Variants in CCDC70 observed in about 807,000 individuals in gnomAD.
CCDC70 encodes the protein coiled-coil domain-containing protein 70.
CCDC70 carries 4 observed loss-of-function variants against 9.1 expected under a neutral mutation model. The ratio of observed to expected loss-of-function variants is 0.44; its 90% CI spans 0.22 to 1.00. The LOEUF is 1.00. Ranked by LOEUF, CCDC70 falls within the 50% of genes least tolerant of loss-of-function variation. The probability of loss-of-function intolerance (pLI) is 0.25; values close to 1 mark genes in which losing one functional copy is unlikely to be tolerated. For missense variants in CCDC70, 308 were observed against 271.3 expected, an observed-to-expected ratio of 1.14 and a Z score of -0.95; for synonymous variants, 119 against 94.0, an observed-to-expected ratio of 1.27 and a Z score of -1.54.
rs1280442833 is a variant in CCDC70, at chr13:51,865,462, C to T, written c.51C>T (p.Ser17=). The T allele has an allele frequency of 6.2e-7, 1 of 1,614,142 alleles. No individual in the cohort carries two copies. Among genetic ancestry groups the T allele is most frequent in the Non-Finnish European group, 8.5e-7 (1 of 1,180,024 alleles). The stretch of plus-strand genomic sequence containing the variant: ...GGATGGGGCTTGCCTGCTTCCGGTC[C>T]CTGGCGGCATCCTCTCCCAGTATTC... ...SRWMGLACFR[S]LAASSPSIRQ... is the part of the protein sequence containing the mutation. Residue 17 remains serine, a synonymous_variant, in exon 2 of 2, where the codon TCC becomes TCT. Transcript: ENST00000242819.
intron 1 of CCDC70, among the ~76,000 whole-genome samples, chr13:51,864,153 C>T (rs868265345): frequency 5.4e-5 from 8 of 148,924 alleles, no homozygotes; most frequent in Middle Eastern, 3.4e-3. Flanking sequence ...TTCTTTCTTC[C>T]TCCCAGCTTT....
rs1956386672 is a variant in CCDC70 at position 51,862,019 on chromosome 13, A to G, written c.-291A>G. The G allele has an allele frequency of 5.9e-5, 9 of 152,266 alleles. No individual in the cohort carries two copies. Among genetic ancestry groups the G allele is most frequent in the Admixed American group, 5.9e-4 (9 of 15,290 alleles). The allele number at this position is 152,266 out of a possible 1,614,324, so 9.4% of individuals were successfully genotyped here. On this transcript the variant is annotated 5_prime_UTR_variant, in exon 1 of 2. Coordinates refer to ENST00000242819, the MANE Select transcript of CCDC70 (RefSeq NM_031290.4). ...AAGAGGAACTCTTTCAAACCTTTCA[A>G]GTGCCCCCTCCTTTCCTTAAAGTCT...
chr13:51,865,386 C>A lies in CCDC70; in HGVS notation c.-26C>A. 6.3e-7 allele frequency: 1 copy of A among 1,590,486 alleles called. No individual in the cohort carries two copies. On this transcript the variant is annotated 5_prime_UTR_variant, in exon 2 of 2. Coordinates refer to ENST00000242819, the MANE Select transcript of CCDC70 (RefSeq NM_031290.4). ...AGGGTCCTGTCATCCCTCATGGCCACCCCGCCATTCCGGCTGATAAGGAAG... is the reference window on the plus strand; with the variant it reads ...AGGGTCCTGTCATCCCTCATGGCCAACCCGCCATTCCGGCTGATAAGGAAG...
intron 1 of CCDC70, among the ~76,000 whole-genome samples, chr13:51,864,561 T>C (rs1956405646): frequency 6.6e-6 from 1 of 152,244 alleles, no homozygotes; most frequent in Admixed American, 6.5e-5. Flanking sequence ...CCATGCTGTC[T>C]GCCATGTGGA....
chr13:51,865,630 G>C lies in CCDC70; in HGVS notation c.219G>C (p.Leu73=). ...TCCATGCTTTCCGGGGCCAGATCCTGGGTTTTTGGGAAGAGGAGAGACCTT... is the reference window on the plus strand; with the variant it reads ...TCCATGCTTTCCGGGGCCAGATCCTCGGTTTTTGGGAAGAGGAGAGACCTT... ...GKIHAFRGQI[L]GFWEEERPFW... Residue 73 remains leucine (L), a synonymous_variant, in exon 2 of 2, where the codon CTG becomes CTC. Transcript: ENST00000242819. 1 of 1,614,030 alleles carries C rather than the reference G, an allele frequency of 6.2e-7. No individual in the cohort carries two copies. The highest frequency in any genetic ancestry group is 1.1e-5 in the South Asian group (1 of 91,084).
chr13:51,863,053 T>C (rs1956393168), intron 1 of CCDC70, among the ~76,000 whole-genome samples: 1 of 152,094 alleles, frequency 6.6e-6, no homozygotes, highest in Admixed American at 6.5e-5. Context: ...CCGAGTAGCT[T>C]TCAGAGGGGA....
At position 51,866,050 on chromosome 13, in the gene CCDC70, C is replaced by T; in HGVS notation, c.639C>T (p.Arg213=). ...DGPHNANRGQ[R]LLAFSRGRA ...CCCACAACGCCAACAGAGGGCAGCG[C>T]TTGCTGGCCTTCTCCCGAGGCAGGG... Residue 213 remains arginine, a synonymous_variant, in exon 2 of 2, where the codon CGC becomes CGT. Coordinates refer to ENST00000242819, the MANE Select transcript of CCDC70 (RefSeq NM_031290.4). The T allele has an allele frequency of 6.3e-7, 1 of 1,592,634 alleles. No individual in the cohort carries two copies. Among genetic ancestry groups the T allele is most frequent in the Non-Finnish European group, 8.5e-7 (1 of 1,171,188 alleles).
At position 51,866,022 on chromosome 13, in the gene CCDC70, G is replaced by A; in HGVS notation, c.611G>A (p.Gly204Glu). 1 of 1,609,958 alleles carries A rather than the reference G, an allele frequency of 6.2e-7. No homozygotes were observed. Among genetic ancestry groups the A allele is most frequent in the Non-Finnish European group, 8.5e-7 (1 of 1,178,494 alleles). ...GCCGGAGAGCAGATGCTCGAAGATGGGCCCCACAACGCCAACAGAGGGCAG... is the reference window on the plus strand; with the variant it reads ...GCCGGAGAGCAGATGCTCGAAGATGAGCCCCACAACGCCAACAGAGGGCAG... ...HIAGEQMLED[G>E]PHNANRGQRL... is the part of the protein sequence containing the mutation. Residue 204 changes from glycine to glutamate, a missense_variant, in exon 2 of 2, where the codon GGG becomes GAG. By Grantham distance (98) the Gly-to-Glu change is moderately conservative. Coordinates refer to ENST00000242819, the MANE Select transcript of CCDC70 (RefSeq NM_031290.4).
chr13:51,865,737 C>G lies in CCDC70; in HGVS notation c.326C>G (p.Thr109Ser). 9.3e-6 allele frequency: 15 copies of G among 1,614,068 alleles called. No individual in the cohort carries two copies. Among genetic ancestry groups the G allele is most frequent in the Non-Finnish European group, 1.3e-5 (15 of 1,179,982 alleles). ...MEKSFREEEK[T>S]FWKKYRTFWK... Reference sequence around the variant, plus strand: ...AAGTCTTTCAGGGAGGAAGAGAAAACTTTCTGGAAAAAGTACCGCACTTTC... The same window carrying G: ...AAGTCTTTCAGGGAGGAAGAGAAAAGTTTCTGGAAAAAGTACCGCACTTTC... The change falls in exon 2 of 2, where the codon ACT (threonine) becomes AGT (serine). Residue 109 changes from threonine to serine, a missense_variant. Transcript: ENST00000242819.
rs765940356 is a variant in CCDC70 at position 51,865,885 on chromosome 13, C to A, written c.474C>A (p.Ala158=). ...AGGCCCTGTGGGTAGAGGAAAGAGC[C>A]CTCCTTGAGGGGGAGAAAGCCCTGT... The part of the protein sequence containing the change: ...EEKALWVEER[A]LLEGEKALWE... The change falls in exon 2 of 2, where the codon GCC becomes GCA. Residue 158 remains alanine (A), a synonymous_variant. Transcript: ENST00000242819. 1 of 1,613,526 alleles carries A rather than the reference C, an allele frequency of 6.2e-7. No homozygotes were observed. The highest frequency in any genetic ancestry group is 2.2e-5 in the East Asian group (1 of 44,860).
chr13:51,865,329 C>A lies in CCDC70; in HGVS notation c.-80-3C>A. On this transcript the variant is annotated splice_polypyrimidine_tract_variant and splice_region_variant and intron_variant, in intron 1 of 1. Transcript: ENST00000242819. ...AGATCTGTCTTTTCTGCTGCCCCCA[C>A]AGGGTCTGACCAGCCGACCTGGACC... 6.8e-7 allele frequency: 1 copy of A among 1,477,184 alleles called. No individual in the cohort carries two copies. The highest frequency in any genetic ancestry group is 9.1e-7 in the Non-Finnish European group (1 of 1,095,638). The allele number at this position is 1,477,184 out of a possible 1,614,324, so 91.5% of individuals were successfully genotyped here.
intron 1 of CCDC70, among the ~76,000 whole-genome samples, chr13:51,863,788 T>C (rs1399539277): frequency 6.6e-6 from 1 of 151,754 alleles, no homozygotes; most frequent in African/African-American, 2.4e-5. Context: ...GCCCTGAAAA[T>C]TTCCCCAATA....
chr13:51,865,235 G>C (rs1956410851), intron 1 of CCDC70, 97 bp from the exon 2 acceptor site: 1 of 617,628 alleles, frequency 1.6e-6, no homozygotes, highest in African/African-American at 1.8e-5. Flanking sequence ...TGGACAAAGA[G>C]CAGTGATTAC....
intron 1 of CCDC70, among the ~76,000 whole-genome samples, chr13:51,863,700 CACACACACACCAGCT>C (rs1377501292): frequency 3.8e-5 from 5 of 132,936 alleles, no homozygotes; most frequent in African/African-American, 1.3e-4. Context: ...CACACACACA[CACACACACACCAGCT>C]ATGTGTCTTT....
chr13:51,865,256 AT>A, intron 1 of CCDC70, 75 bp from the exon 2 acceptor site: 1 of 697,592 alleles, frequency 1.4e-6, no homozygotes, highest in South Asian at 2.5e-5. Flanking sequence ...ATTTTCTCAA[AT>A]TCAGTAGTAC....
At position 51,866,224 on chromosome 13, in the gene CCDC70, G is replaced by A. The variant is rs944683145; in HGVS notation, c.*144G>A. 3.9e-5 allele frequency: 27 copies of A among 699,872 alleles called. No individual in the cohort carries two copies. In the African/African-American group the frequency reaches 4.9e-4, roughly 13 times the overall value. 43.4% of individuals were successfully genotyped at this position (699,872 alleles called of 1,614,324 possible). A position where few individuals can be genotyped will look rare whatever the true frequency, so the allele number is the denominator to read the frequency against. On this transcript the variant is annotated 3_prime_UTR_variant, in exon 2 of 2. Transcript: ENST00000242819. ...CAATAAAGTCCTGAGGCAAGGTTTG[G>A]AAAACCAACTTATTTGAGGAAGGCT... is the stretch of plus-strand genomic sequence containing the variant.
intron 1 of CCDC70, among the ~76,000 whole-genome samples, chr13:51,863,264 T>C (rs768641623): frequency 1.5e-4 from 23 of 152,210 alleles, no homozygotes; most frequent in South Asian, 2.1e-4. Context: ...GGAGTTGGGC[T>C]GCACAAGGCC....
rs770085949 is a variant in CCDC70, at chr13:51,866,114, C to G, written c.*34C>G. Reference sequence around the variant, plus strand: ...CAGGTGCAGGGCCCTGTGGTCCAGACTCCCCTGGGTTGGGATTCAAGTCCA... The same window carrying G: ...CAGGTGCAGGGCCCTGTGGTCCAGAGTCCCCTGGGTTGGGATTCAAGTCCA... On this transcript the variant is annotated 3_prime_UTR_variant, in exon 2 of 2. Coordinates refer to ENST00000242819, the MANE Select transcript of CCDC70 (RefSeq NM_031290.4). 4 of 1,514,060 alleles carry G rather than the reference C, an allele frequency of 2.6e-6. No individual in the cohort carries two copies. Among genetic ancestry groups the G allele is most frequent in the Non-Finnish European group, 3.5e-6 (4 of 1,129,596 alleles). 93.8% of individuals were successfully genotyped at this position (1,514,060 alleles called of 1,614,324 possible).
rs1956423349 is a variant in CCDC70, at chr13:51,866,092, G to T, written c.*12G>T. The T allele has an allele frequency of 6.4e-6, 10 of 1,551,876 alleles. No homozygotes were observed. Among genetic ancestry groups the T allele is most frequent in the Non-Finnish European group, 8.7e-6 (10 of 1,152,364 alleles). On this transcript the variant is annotated 3_prime_UTR_variant, in exon 2 of 2. Coordinates refer to ENST00000242819, the MANE Select transcript of CCDC70 (RefSeq NM_031290.4). Reference sequence around the variant, plus strand: ...GAGGCAGGGCGTAGCCAGCATGCAGGTGCAGGGCCCTGTGGTCCAGACTCC... The same window carrying T: ...GAGGCAGGGCGTAGCCAGCATGCAGTTGCAGGGCCCTGTGGTCCAGACTCC...
Sources: gnomAD v4.1 joint callset for allele counts (sites outside exome capture counted in the v4.1 genomes callset) on GRCh38, gnomAD v4.1.1 for gene constraint, MANE v1.5 for transcripts, NCBI Gene and HGNC (gene_info 2026-07-23, HGNC 2026-07-21) for gene names.